The following CNTNAP2 variants were observed in gnomAD, a reference collection of about 807,000 sequenced individuals.
CNTNAP2 encodes the protein contactin associated protein 2, also known as contactin-associated protein-like 2.
CNTNAP2 carries 98 observed loss-of-function variants against 155.2 expected under a neutral mutation model. The observed-to-expected ratio is 0.63, with a 90% CI of 0.54 to 0.75. The LOEUF is 0.75. Ranked by LOEUF, CNTNAP2 falls within the 30% of genes least tolerant of loss-of-function variation. The pLI is 0.00. For synonymous variants in CNTNAP2, 651 were observed against 631.2 expected (o/e 1.03, Z -0.47); for missense variants, 1,727 against 1,688.1 (o/e 1.02, Z -0.40).
intron 1 of CNTNAP2, among the ~76,000 whole-genome samples, chr7:146,279,022 G>C (rs1013951387): frequency 2.0e-5 from 3 of 152,154 alleles, no homozygotes; most frequent in East Asian, 1.9e-4. Flanking sequence ...TTCTTACTGG[G>C]CTTATTATAA....
intron 1 of CNTNAP2, among the ~76,000 whole-genome samples, chr7:146,321,777 T>C (rs1222737789): frequency 6.6e-6 from 1 of 152,100 alleles, no homozygotes; most frequent in East Asian, 1.9e-4. Context: ...ATGCTTAAAA[T>C]CTCAAGAAGG....
chr7:147,740,571 G>T (rs1324445558), intron 13 of CNTNAP2, among the ~76,000 whole-genome samples: 2 of 152,152 alleles, frequency 1.3e-5, no homozygotes, highest in East Asian at 1.9e-4. Flanking sequence ...TCGGGTTAAG[G>T]TTCAGTTAGT....
At chr7:147,312,666 G>A (rs1298199115) in intron 9 of CNTNAP2, among the ~76,000 whole-genome samples, 1 of 108,046 alleles carries the variant, frequency 9.3e-6, no homozygotes, top group Non-Finnish European at 1.8e-5. Flanking sequence ...TATCATTGTT[G>A]GACATTTGGG....
intron 1 of CNTNAP2, among the ~76,000 whole-genome samples, chr7:146,410,317 CTG>C (rs1795848204): frequency 6.6e-6 from 1 of 152,140 alleles, no homozygotes; most frequent in African/African-American, 2.4e-5. Flanking sequence ...ATGGGAAAAA[CTG>C]AGTAGTTATG....
intron 1 of CNTNAP2, among the ~76,000 whole-genome samples, chr7:146,312,849 G>T (rs1056902658): frequency 1.3e-5 from 2 of 152,032 alleles, no homozygotes; most frequent in Non-Finnish European, 2.9e-5. Flanking sequence ...TTAGCATATT[G>T]TTCTACAGTT....
chr7:148,363,305 G>A (rs187627088), intron 21 of CNTNAP2, among the ~76,000 whole-genome samples: 16 of 152,310 alleles, frequency 1.1e-4, no homozygotes, highest in Admixed American at 4.6e-4. Context: ...TATAAAATAG[G>A]TTTTGCATTA....
intron 15 of CNTNAP2, among the ~76,000 whole-genome samples, chr7:148,001,130 C>A (rs921157883): frequency 3.3e-5 from 5 of 152,164 alleles, no homozygotes; most frequent in African/African-American, 1.2e-4. Context: ...TACCCAGTTT[C>A]CAAATTAGGT....
rs147539721 is a variant in CNTNAP2, at chr7:147,417,684, G to A, written c.1670+21904G>A. The stretch of plus-strand genomic sequence containing the variant: ...ATGTAATTATTATTGTATGGAACCC[G>A]TATCTGATGATGGTGAGTTTAAATG... On this transcript the variant is annotated intron_variant, in intron 10 of 23. Transcript: ENST00000361727. Among the ~76,000 whole-genome samples, 863 of 152,108 alleles carry A rather than the reference G, an allele frequency of 5.7e-3. 4 individuals are homozygous for A. Among genetic ancestry groups the A allele is most frequent in the Non-Finnish European group, 9.4e-3 (642 of 67,988 alleles).
At chr7:147,014,640 C>G (rs1798686970) in intron 3 of CNTNAP2, among the ~76,000 whole-genome samples, 1 of 152,234 alleles carries the variant, frequency 6.6e-6, no homozygotes, top group African/African-American at 2.4e-5. Flanking sequence ...CCAACACCTC[C>G]CACCCAACAA....
In CNTNAP2 at chr7:147,337,077, A is replaced by T. The variant is rs532493665; in HGVS notation, c.1498+36787A>T. Among the ~76,000 whole-genome samples the T allele has an allele frequency of 5.3e-4, 81 of 152,174 alleles. 1 individual carries two copies. Among genetic ancestry groups the T allele is most frequent in the Non-Finnish European group, 9.8e-4 (67 of 68,028 alleles). ...AAATATTAAAACTTTTATTTTTATAAAATTTACCAATATCATGCACCCACA... is the reference window on the plus strand; with the variant it reads ...AAATATTAAAACTTTTATTTTTATATAATTTACCAATATCATGCACCCACA... On this transcript the variant is annotated intron_variant, in intron 9 of 23. Transcript: ENST00000361727.
At chr7:148,159,391 A>G (rs1805473013) in intron 17 of CNTNAP2, among the ~76,000 whole-genome samples, 1 of 152,218 alleles carries the variant, frequency 6.6e-6, no homozygotes, top group South Asian at 2.1e-4. Context: ...CTTGTGTGCC[A>G]TGCTTTATAT....
At chr7:146,412,193 A>G (rs113991964) in intron 1 of CNTNAP2, among the ~76,000 whole-genome samples, 4,117 of 152,234 alleles carry the variant, frequency 0.027, 89 homozygotes, top group Middle Eastern at 0.061. Flanking sequence ...TTCCCCCTGG[A>G]GCCCTGCAGG....
chr7:147,388,304 A>G (rs1365142876), intron 9 of CNTNAP2, among the ~76,000 whole-genome samples: 1 of 152,070 alleles, frequency 6.6e-6, no homozygotes, highest in Non-Finnish European at 1.5e-5. Flanking sequence ...TTCTTACTGT[A>G]CTTTCCCTAA....
At chr7:148,220,027 T>C (rs1795715850) in intron 19 of CNTNAP2, among the ~76,000 whole-genome samples, 1 of 152,250 alleles carries the variant, frequency 6.6e-6, no homozygotes, top group Admixed American at 6.5e-5. Context: ...TGTTCCCTAG[T>C]ATTTTCCCCT....
chr7:147,643,116 GAGAAACAC>G (rs568495746), intron 13 of CNTNAP2, among the ~76,000 whole-genome samples: 3,781 of 152,138 alleles, frequency 0.025, 157 homozygotes, highest in African/African-American at 0.086. Flanking sequence ...ATCACACATT[GAGAAACAC>G]TGTCTTTAAT....
At position 147,437,207 on chromosome 7, in the gene CNTNAP2, A is replaced by T. The variant is rs1797564205; in HGVS notation, c.1670+41427A>T. Among the ~76,000 whole-genome samples, 4 of 152,132 alleles carry T rather than the reference A, an allele frequency of 2.6e-5. No homozygotes were observed. The South Asian group carries it at 8.3e-4, about 31-fold the overall frequency. On this transcript the variant is annotated intron_variant, in intron 10 of 23. Transcript: ENST00000361727. ...TGAATATCTAATTCCTACATTTATG[A>T]TAATGAGGTGGAATGAAATAAAGAG...
At chr7:146,973,373 G>A (rs778828731) in intron 3 of CNTNAP2, among the ~76,000 whole-genome samples, 4 of 152,110 alleles carry the variant, frequency 2.6e-5, no homozygotes, top group Non-Finnish European at 5.9e-5. Context: ...CATGGTTTGT[G>A]GCAACTAATG....
chr7:147,405,625 G>C (rs139305387), intron 10 of CNTNAP2, among the ~76,000 whole-genome samples: 226 of 152,232 alleles, frequency 1.5e-3, no homozygotes, highest in Middle Eastern at 6.8e-3. Context: ...GTTTAATTAA[G>C]TACTAAGTAC....
chr7:146,550,000 C>T, intron 1 of CNTNAP2, among the ~76,000 whole-genome samples: 1 of 151,890 alleles, frequency 6.6e-6, no homozygotes, highest in East Asian at 1.9e-4. Flanking sequence ...TGAATTTGAT[C>T]CACATAAAGT....
Sources: allele counts gnomAD v4.1 joint callset (sites outside exome capture counted in the v4.1 genomes callset), GRCh38; gene constraint gnomAD v4.1.1; transcripts MANE v1.5; gene names NCBI Gene and HGNC (gene_info 2026-07-23, HGNC 2026-07-21).